The following EPM2A variants were observed in gnomAD, a reference collection of about 807,000 sequenced individuals.
EPM2A encodes laforin.
A neutral mutation model predicts 26.5 loss-of-function variants in EPM2A; 21 were observed. The ratio of observed to expected loss-of-function variants is 0.79; its 90% CI spans 0.56 to 1.14. The LOEUF is 1.14. EPM2A is among the 50% of genes most tolerant of loss of function. The pLI, the probability that EPM2A is intolerant of heterozygous loss-of-function variation, is 0.00. For synonymous variants in EPM2A, 217 were observed against 177.6 expected (o/e 1.22, Z -1.76); for missense variants, 458 against 440.8 (o/e 1.04, Z -0.35).
intron 2 of EPM2A, 146 bp from the exon 3 acceptor site, chr6:145,635,632 T>C (rs1364647438): frequency 2.7e-6 from 2 of 752,138 alleles, no homozygotes; most frequent in African/African-American, 1.8e-5. Context: ...TGAACACCAA[T>C]GTTATTATTG....
rs1351230790 is a variant in EPM2A at position 145,440,140 on chromosome 6, T to C, written c.556-56043A>G. Among the ~76,000 whole-genome samples, 5 of 152,306 alleles carry C rather than the reference T, an allele frequency of 3.3e-5. No individual in the cohort carries two copies. The East Asian group carries it at 7.7e-4, about 24-fold the overall frequency. ...AGACTGAAAAGAAAAATAGGTTTAA[T>C]GTACTCAGCTCCACATGGCTGGGAA... On this transcript the variant is annotated intron_variant, in intron 4 of 4. Transcript: ENST00000638717.
At chr6:145,439,811 C>T (rs1206334948) in intron 4 of EPM2A, among the ~76,000 whole-genome samples, 1 of 152,170 alleles carries the variant, frequency 6.6e-6, no homozygotes, top group Non-Finnish European at 1.5e-5. Context: ...TGCAGAATCT[C>T]TTTAACTTAT....
At chr6:145,546,546 CA>C (rs1004486694) in intron 2 of EPM2A, among the ~76,000 whole-genome samples, 1 of 152,074 alleles carries the variant, frequency 6.6e-6, no homozygotes, top group African/African-American at 2.4e-5. Flanking sequence ...GTCAAGTTGA[CA>C]CCTAAAATTA....
intron 2 of EPM2A, among the ~76,000 whole-genome samples, chr6:145,580,819 T>A (rs1781102858): frequency 6.6e-6 from 1 of 152,190 alleles, no homozygotes; most frequent in East Asian, 1.9e-4. Flanking sequence ...GGCCTCCATC[T>A]CTAGTTATGT....
At chr6:145,536,696 T>TC (rs914621226) in intron 2 of EPM2A, among the ~76,000 whole-genome samples, 13 of 152,178 alleles carry the variant, frequency 8.5e-5, no homozygotes, top group Non-Finnish European at 1.8e-4. Flanking sequence ...CACTGAGCTC[T>TC]CCCCTGAGAG....
intron 4 of EPM2A, among the ~76,000 whole-genome samples, chr6:145,384,602 C>T (rs996742579): frequency 6.8e-6 from 1 of 147,148 alleles, no homozygotes; most frequent in Admixed American, 7.0e-5. Flanking sequence ...TACCTCAGGG[C>T]AGGTGGGGAA....
At chr6:145,652,107 G>A (rs565704278) in intron 2 of EPM2A, among the ~76,000 whole-genome samples, 1 of 152,246 alleles carries the variant, frequency 6.6e-6, no homozygotes, top group African/African-American at 2.4e-5. Context: ...AAAAAAGCCT[G>A]TACAGCTATT....
chr6:145,712,327 A>C (rs934944845), intron 1 of EPM2A, among the ~76,000 whole-genome samples: 1 of 152,160 alleles, frequency 6.6e-6, no homozygotes, highest in African/African-American at 2.4e-5. Flanking sequence ...TGAAAAATTA[A>C]AGTTGAACAG....
intron 4 of EPM2A, among the ~76,000 whole-genome samples, chr6:145,477,321 A>T (rs1779555430): frequency 6.6e-6 from 1 of 151,962 alleles, no homozygotes; most frequent in African/African-American, 2.4e-5. Context: ...CCAGGACCTG[A>T]TGGCTTCACT....
intron 1 of EPM2A, among the ~76,000 whole-genome samples, chr6:145,693,923 A>C (rs1281984609): frequency 6.6e-6 from 1 of 151,938 alleles, no homozygotes; most frequent in Non-Finnish European, 1.5e-5. Context: ...GCTGTCTGGC[A>C]CTCCAATTAA....
At chr6:145,694,257 C>T (rs573905938) in intron 1 of EPM2A, among the ~76,000 whole-genome samples, 6 of 152,002 alleles carry the variant, frequency 3.9e-5, no homozygotes, top group African/African-American at 1.2e-4. Flanking sequence ...TCACCCACAT[C>T]TGATCTCTCT....
intron 2 of EPM2A, among the ~76,000 whole-genome samples, chr6:145,680,384 T>TTTATTTATTTATTTA (rs77278542): frequency 3.5e-5 from 5 of 142,648 alleles, no homozygotes; most frequent in African/African-American, 1.3e-4. Context: ...TATTTATTTA[T>TTTATTTATTTATTTA]TTTATTTTAT....
At chr6:145,488,482 C>T (rs987029955) in intron 4 of EPM2A, among the ~76,000 whole-genome samples, 3 of 141,248 alleles carry the variant, frequency 2.1e-5, no homozygotes, top group Non-Finnish European at 4.7e-5. Context: ...TGTGTCATCT[C>T]TAATTTGTGT....
intron 1 of EPM2A, among the ~76,000 whole-genome samples, chr6:145,715,664 G>A (rs4895681): frequency 0.011 from 1,663 of 152,168 alleles, 14 homozygotes; most frequent in Admixed American, 0.018. Flanking sequence ...TGAACTCTGC[G>A]TCCTGTCAGA....
Position 145,420,655 on chromosome 6 carries a change from T to A in EPM2A, c.556-36558A>T, listed in dbSNP as rs75813756. 7.2e-3 allele frequency among the ~76,000 whole-genome samples: 1,099 copies of A among 152,298 alleles called. 15 individuals are homozygous for A. The highest frequency in any genetic ancestry group is 0.025 in the African/African-American group (1,042 of 41,558). ...GGACAATGGAGTATATAATTTATGG[T>A]ACTAATTATACTATTTAAGTGTCTA... On this transcript the variant is annotated intron_variant, in intron 4 of 4. Transcript: ENST00000638717.
intron 4 of EPM2A, among the ~76,000 whole-genome samples, chr6:145,405,671 C>T (rs546119384): frequency 4.3e-4 from 66 of 152,088 alleles, no homozygotes; most frequent in African/African-American, 1.4e-3. Context: ...ATTTAGGTTG[C>T]CTCTGAAATA....
intron 1 of EPM2A, chr6:145,734,877 G>C (rs1776742436): frequency 5.8e-6 from 1 of 172,820 alleles, no homozygotes; most frequent in South Asian, 2.0e-4. Context: ...CCGTGACGCA[G>C]GCGCGGTTGG....
At chr6:145,445,376 G>A (rs76568955) in intron 4 of EPM2A, among the ~76,000 whole-genome samples, 1,886 of 152,244 alleles carry the variant, frequency 0.012, 40 homozygotes, top group African/African-American at 0.044. Flanking sequence ...ACAGACATTT[G>A]AGCTTGTCTT....
chr6:145,709,774 A>C lies in EPM2A; in HGVS notation c.302-23478T>G, dbSNP rs187410605. 2.3e-3 allele frequency among the ~76,000 whole-genome samples: 352 copies of C among 152,350 alleles called. 2 individuals carry two copies. Among genetic ancestry groups the C allele is most frequent in the African/African-American group, 8.1e-3 (335 of 41,586 alleles). ...AGTAGTTCCTGTAGAAGTTCTTTAG[A>C]TCATGTAGAAGACATAAGGAAATAA... On this transcript the variant is annotated intron_variant, in intron 1 of 3. Coordinates refer to ENST00000367519, the MANE Select transcript of EPM2A (RefSeq NM_005670.4).
Sources: allele counts gnomAD v4.1 joint callset (sites outside exome capture counted in the v4.1 genomes callset), GRCh38; gene constraint gnomAD v4.1.1; transcripts MANE v1.5; gene names NCBI Gene and HGNC (gene_info 2026-07-23, HGNC 2026-07-21).